Variants in SNAPC3 observed in about 807,000 individuals in gnomAD.
SNAPC3 encodes snRNA-activating protein complex subunit 3.
A neutral mutation model predicts 47.7 loss-of-function variants in SNAPC3; 56 were observed. The observed-to-expected ratio is 1.18, with a 90% confidence interval of 0.95 to 1.47. SNAPC3 has a LOEUF of 1.47. SNAPC3 is among the 40% of genes most tolerant of loss of function. The probability of loss-of-function intolerance (pLI) is 0.00; values close to 1 mark genes in which losing one functional copy is unlikely to be tolerated. For synonymous variants in SNAPC3, 235 were observed against 189.9 expected (o/e 1.24, Z -1.95); for missense variants, 665 against 511.3 (o/e 1.30, Z -2.90).
At chr9:15,425,907 GC>G (rs1410778776) in intron 2 of SNAPC3, among the ~76,000 whole-genome samples, 2 of 152,160 alleles carry the variant, frequency 1.3e-5, no homozygotes, top group African/African-American at 4.8e-5. Flanking sequence ...TGTTGCCCAG[GC>G]CTGAGTGCAA....
intron 2 of SNAPC3, 64 bp from the exon 3 acceptor site, chr9:15,433,488 T>C: frequency 9.9e-7 from 1 of 1,014,930 alleles, no homozygotes; most frequent in East Asian, 2.4e-5. Flanking sequence ...GTTAAATATG[T>C]TTTTGAAGCC....
intron 7 of SNAPC3, among the ~76,000 whole-genome samples, chr9:15,454,399 A>G (rs1242120688): frequency 6.6e-6 from 1 of 152,230 alleles, no homozygotes; most frequent in Non-Finnish European, 1.5e-5. Flanking sequence ...CATGAACAAG[A>G]AAGACATGGA....
intron 3 of SNAPC3, among the ~76,000 whole-genome samples, chr9:15,435,225 T>A (rs1022969078): frequency 6.6e-6 from 1 of 152,206 alleles, no homozygotes; most frequent in African/African-American, 2.4e-5. Flanking sequence ...TTGAAAAAGA[T>A]CTATTAAAAT....
intron 3 of SNAPC3, 67 bp downstream of exon 3, chr9:15,433,703 T>A: frequency 1.0e-6 from 1 of 980,686 alleles, no homozygotes; most frequent in Non-Finnish European, 1.6e-6. Flanking sequence ...GGCTGAGGGT[T>A]AGTAATGACA....
chr9:15,429,499 ATG>A (rs1189011624), intron 2 of SNAPC3, among the ~76,000 whole-genome samples: 1 of 152,152 alleles, frequency 6.6e-6, no homozygotes, highest in African/African-American at 2.4e-5. Flanking sequence ...AAAATGGATA[ATG>A]TGTGGGCAAT....
Position 15,434,485 on chromosome 9 carries a change from G to A in SNAPC3, c.477+849G>A, listed in dbSNP as rs1298161561. Among the ~76,000 whole-genome samples, 27 of 149,322 alleles carry A rather than the reference G, an allele frequency of 1.8e-4. No individual in the cohort carries two copies. The Admixed American group carries it at 1.8e-3, about 10-fold the overall frequency. ...TGCAGTGGCGCCATCTCGGCTCACT[G>A]CAGTCTCCGCCTCCTGGGTTCAAGC... On this transcript the variant is annotated intron_variant, in intron 3 of 8. Transcript: ENST00000380821.
At chr9:15,443,466 C>T (rs2033674866) in intron 3 of SNAPC3, among the ~76,000 whole-genome samples, 1 of 151,904 alleles carries the variant, frequency 6.6e-6, no homozygotes, top group South Asian at 2.1e-4. Flanking sequence ...TGTGACTTTT[C>T]CAAACGATTA....
intron 5 of SNAPC3, among the ~76,000 whole-genome samples, chr9:15,449,355 G>A (rs2034187132): frequency 6.6e-6 from 1 of 151,518 alleles, no homozygotes; most frequent in South Asian, 2.1e-4. Context: ...GTCCAGTCTG[G>A]GCAACAACTC....
intron 6 of SNAPC3, among the ~76,000 whole-genome samples, chr9:15,452,120 G>T (rs1329733881): frequency 6.6e-6 from 1 of 151,966 alleles, no homozygotes; most frequent in Non-Finnish European, 1.5e-5. Context: ...GTGCCATCAT[G>T]CCCAGCTAAT....
At chr9:15,436,937 C>T (rs1240992643) in intron 3 of SNAPC3, among the ~76,000 whole-genome samples, 1 of 151,328 alleles carries the variant, frequency 6.6e-6, no homozygotes, top group Non-Finnish European at 1.5e-5. Context: ...GATTCTCCTG[C>T]CTCAGCCTCC....
At position 15,459,975 on chromosome 9, in the gene SNAPC3, C is replaced by T. The variant is rs979901492; in HGVS notation, c.*109C>T. On this transcript the variant is annotated 3_prime_UTR_variant, in exon 9 of 9. Coordinates refer to ENST00000380821, the MANE Select transcript of SNAPC3 (RefSeq NM_001039697.2). ...GGAACAGGATCCACTTTGAACAGTC[C>T]GCTAAAGCTATCAAAAAAAAGTCCA... The T allele has an allele frequency of 1.6e-4, 138 of 866,548 alleles. 1 individual carries two copies. The highest frequency in any genetic ancestry group is 2.6e-4 in the Middle Eastern group (1 of 3,778). 53.7% of individuals were successfully genotyped at this position (866,548 alleles called of 1,614,324 possible).
intron 7 of SNAPC3, among the ~76,000 whole-genome samples, chr9:15,457,447 T>G (rs1282371674): frequency 1.3e-5 from 2 of 151,918 alleles, no homozygotes; most frequent in Admixed American, 6.6e-5. Context: ...CTTAAAAAAT[T>G]ATCTGGGTGT....
chr9:15,465,595 G>A, downstream of SNAPC3: 1 of 1,555,942 alleles, frequency 6.4e-7, no homozygotes, highest in Non-Finnish European at 8.8e-7. Flanking sequence ...AGAAAAGGGG[G>A]AAAGGTACAA....
chr9:15,425,494 A>G (rs1028004785), intron 2 of SNAPC3, among the ~76,000 whole-genome samples: 3 of 152,166 alleles, frequency 2.0e-5, no homozygotes, highest in African/African-American at 4.8e-5. Context: ...CTAGGATTAC[A>G]TGCGTGAGCC....
At chr9:15,457,209 ACATTAAAAAAACAAGAGG>A (rs1367583048) in intron 7 of SNAPC3, among the ~76,000 whole-genome samples, 1 of 152,122 alleles carries the variant, frequency 6.6e-6, no homozygotes, top group Non-Finnish European at 1.5e-5. Context: ...AATAAAGGAG[ACATTAAAAAAACAAGAGG>A]CACATTGTAA....
intron 3 of SNAPC3, among the ~76,000 whole-genome samples, chr9:15,434,625 C>T (rs903517687): frequency 2.0e-5 from 3 of 151,966 alleles, no homozygotes; most frequent in Admixed American, 2.0e-4. Flanking sequence ...AGGCTGGTCT[C>T]GAACCCTTGA....
At chr9:15,441,742 C>G (rs1403433501) in intron 3 of SNAPC3, among the ~76,000 whole-genome samples, 1 of 152,184 alleles carries the variant, frequency 6.6e-6, no homozygotes, top group Non-Finnish European at 1.5e-5. Flanking sequence ...CATCCCAAGG[C>G]AGAAGAATTT....
At chr9:15,436,586 A>G (rs1223153309) in intron 3 of SNAPC3, among the ~76,000 whole-genome samples, 3 of 152,158 alleles carry the variant, frequency 2.0e-5, no homozygotes, top group Non-Finnish European at 4.4e-5. Context: ...GAGTCCTCCA[A>G]CTTTGTTCAT....
At chr9:15,433,055 TGTA>T (rs796532621) in intron 2 of SNAPC3, among the ~76,000 whole-genome samples, 6 of 152,304 alleles carry the variant, frequency 3.9e-5, no homozygotes, top group African/African-American at 1.2e-4. Flanking sequence ...AGGGCATCAT[TGTA>T]GTATTCTTAC....
Sources: allele counts gnomAD v4.1 joint callset (sites outside exome capture counted in the v4.1 genomes callset), GRCh38; gene constraint gnomAD v4.1.1; transcripts MANE v1.5; gene names NCBI Gene and HGNC (gene_info 2026-07-23, HGNC 2026-07-21).